ADAM20: variants seen among roughly 807,000 people sequenced by gnomAD.
ADAM20 encodes the protein disintegrin and metalloproteinase domain-containing protein 20.
For missense variants in ADAM20, 871 were observed against 883.2 expected (o/e 0.99, Z 0.18); for synonymous variants, 305 against 310.2 (o/e 0.98, Z 0.18).
At chr14:70,567,693 C>A in the ADAM20 span, among the ~76,000 whole-genome samples, 1 of 152,102 alleles carries the variant, frequency 6.6e-6, no homozygotes, top group African/African-American at 2.4e-5. Flanking sequence ...AGCATCCCAG[C>A]AACAGAGAAC....
intron 1 of ADAM20, among the ~76,000 whole-genome samples, chr14:70,532,695 T>C (rs1883739032): frequency 6.6e-6 from 1 of 152,178 alleles, no homozygotes; most frequent in Non-Finnish European, 1.5e-5. Flanking sequence ...GCATTTTACA[T>C]GATAAGGCCC....
At chr14:70,563,333 G>GA in the ADAM20 span, among the ~76,000 whole-genome samples, 57 of 152,184 alleles carry the variant, frequency 3.7e-4, no homozygotes, top group African/African-American at 1.3e-3. Flanking sequence ...CATTCTAGGG[G>GA]AAAAAAAGTA....
At chr14:70,525,023 T>A in intron 1 of ADAM20, 90 bp from the exon 2 acceptor site, 2 of 1,162,172 alleles carry the variant, frequency 1.7e-6, no homozygotes, top group East Asian at 2.4e-5. Context: ...GGACCATATT[T>A]GAAGCAATAA....
intron 1 of ADAM20, 133 bp from the exon 2 acceptor site, chr14:70,525,066 A>C (rs987168287): frequency 1.2e-5 from 9 of 768,758 alleles, no homozygotes; most frequent in African/African-American, 1.8e-5. Context: ...ACATATGGCC[A>C]AGAAGATTTC....
chr14:70,534,145 T>C (rs1042437005), intron 1 of ADAM20, among the ~76,000 whole-genome samples: 1 of 145,550 alleles, frequency 6.9e-6, no homozygotes, highest in African/African-American at 2.5e-5. Context: ...AACACTTAAA[T>C]GTATTAATCT....
Position 70,524,710 on chromosome 14 carries a change from C to T in ADAM20, c.48G>A (p.Leu16=). The change falls in exon 2 of 2, where the codon CTG becomes CTA. Residue 16 remains leucine, a synonymous_variant. Transcript: ENST00000256389. ...PLVHIRVTLL[L]LWFGMFLSIS... is the part of the protein sequence containing the mutation. ...TAGACAAAAACATCCCAAACCAGAG[C>T]AGCAGAAGAGTGACCCTGATGTGCA... 6.2e-7 allele frequency: 1 copy of T among 1,613,968 alleles called. No individual in the cohort carries two copies. Among genetic ancestry groups the T allele is most frequent in the Non-Finnish European group, 8.5e-7 (1 of 1,179,934 alleles).
the ADAM20 span, among the ~76,000 whole-genome samples, chr14:70,561,429 G>T: frequency 6.6e-6 from 1 of 152,218 alleles, no homozygotes; most frequent in South Asian, 2.1e-4. Flanking sequence ...TTTGTAGTCT[G>T]ACCATACAGT....
chr14:70,545,008 C>T, the ADAM20 span, among the ~76,000 whole-genome samples: 1 of 152,154 alleles, frequency 6.6e-6, no homozygotes, highest in South Asian at 2.1e-4. Context: ...ATTTTCAAAA[C>T]AATGAGAATG....
chr14:70,533,776 A>C (rs1472443071), intron 1 of ADAM20, among the ~76,000 whole-genome samples: 19 of 151,306 alleles, frequency 1.3e-4, no homozygotes, highest in African/African-American at 1.9e-4. Context: ...AAAAAAAAAA[A>C]CCCTCTTAGA....
the ADAM20 span, among the ~76,000 whole-genome samples, chr14:70,564,178 G>A: frequency 6.6e-6 from 1 of 152,264 alleles, no homozygotes; most frequent in Non-Finnish European, 1.5e-5. Flanking sequence ...AACAGAGGGG[G>A]CAGGTAACTC....
the ADAM20 span, among the ~76,000 whole-genome samples, chr14:70,560,285 TG>T: frequency 2.6e-5 from 4 of 152,326 alleles, no homozygotes; most frequent in South Asian, 8.3e-4. Context: ...ATGAACTTTC[TG>T]ATAGTCTACC....
At chr14:70,558,459 T>C in the ADAM20 span, among the ~76,000 whole-genome samples, 2 of 152,150 alleles carry the variant, frequency 1.3e-5, no homozygotes, top group Non-Finnish European at 1.5e-5. Flanking sequence ...CATATGTATC[T>C]GTGTGCCTGT....
At chr14:70,554,190 C>T in the ADAM20 span, among the ~76,000 whole-genome samples, 1 of 152,008 alleles carries the variant, frequency 6.6e-6, no homozygotes, top group African/African-American at 2.4e-5. Context: ...AAATAAAATA[C>T]CTTATAGAAT....
At chr14:70,555,755 C>T in the ADAM20 span, among the ~76,000 whole-genome samples, 1 of 152,174 alleles carries the variant, frequency 6.6e-6, no homozygotes, top group African/African-American at 2.4e-5. Flanking sequence ...TCCATCACCT[C>T]AGTGCAACTT....
chr14:70,538,467 AATATCCAAGCTGAGT>A (rs1227831276), upstream of ADAM20, among the ~76,000 whole-genome samples: 3 of 152,210 alleles, frequency 2.0e-5, no homozygotes, highest in African/African-American at 7.2e-5. Flanking sequence ...AATTAAAATG[AATATCCAAGCTGAGT>A]ATATTCAAAA....
At chr14:70,569,885 CAAAAAAAA>C in the ADAM20 span, among the ~76,000 whole-genome samples, 3,086 of 76,286 alleles carry the variant, frequency 0.04, 48 homozygotes, top group African/African-American at 0.12. Flanking sequence ...AGAAAACTAA[CAAAAAAAA>C]AAAAAAAAAA....
the ADAM20 span, among the ~76,000 whole-genome samples, chr14:70,571,685 G>A: frequency 4.3e-4 from 66 of 152,240 alleles, no homozygotes; most frequent in South Asian, 1.2e-3. Flanking sequence ...AGGAAAAGAG[G>A]GAGTCAAATT....
chr14:70,544,109 G>A, the ADAM20 span, among the ~76,000 whole-genome samples: 10 of 137,688 alleles, frequency 7.3e-5, no homozygotes, highest in East Asian at 2.0e-4. Flanking sequence ...CCTCCCCTCC[G>A]ACCAGAGACA....
chr14:70,542,799 C>T, the ADAM20 span, among the ~76,000 whole-genome samples: 2 of 152,206 alleles, frequency 1.3e-5, no homozygotes, highest in African/African-American at 2.4e-5. Context: ...CTTAGCTGGG[C>T]GTGATAGCAG....
Sources: gnomAD v4.1 joint callset for allele counts (sites outside exome capture counted in the v4.1 genomes callset) on GRCh38, gnomAD v4.1.1 for gene constraint, MANE v1.5 for transcripts, NCBI Gene and HGNC (gene_info 2026-07-23, HGNC 2026-07-21) for gene names.